TMEM135: variants seen among roughly 807,000 people sequenced by gnomAD.
TMEM135 encodes transmembrane protein 135.
Under a neutral mutation model 60.3 loss-of-function variants are expected in TMEM135, and 30 were observed. The ratio of observed to expected loss-of-function variants is 0.50; its 90% confidence interval spans 0.37 to 0.68. TMEM135 has a LOEUF of 0.68. Ranked by LOEUF, TMEM135 falls within the 30% of genes least tolerant of loss-of-function variation. The probability of loss-of-function intolerance (pLI) is 0.00; values close to 1 mark genes in which losing one functional copy is unlikely to be tolerated. For missense variants in TMEM135, 468 were observed against 548.8 expected (o/e 0.85, Z 1.47); for synonymous variants, 190 against 186.7 (o/e 1.02, Z -0.14).
intron 4 of TMEM135, among the ~76,000 whole-genome samples, chr11:87,092,646 T>C (rs1358441376): frequency 6.6e-6 from 1 of 152,172 alleles, no homozygotes; most frequent in Admixed American, 6.5e-5. Context: ...GAATTCTTAC[T>C]AGGATGTAAG....
intron 5 of TMEM135, among the ~76,000 whole-genome samples, chr11:87,221,704 C>A (rs1940620403): frequency 6.6e-6 from 1 of 152,142 alleles, no homozygotes; most frequent in African/African-American, 2.4e-5. Context: ...CTTTGGAATT[C>A]ATAACTAAGA....
chr11:87,123,214 TTC>T (rs1474593377), intron 4 of TMEM135, among the ~76,000 whole-genome samples: 1 of 152,220 alleles, frequency 6.6e-6, no homozygotes, highest in Non-Finnish European at 1.5e-5. Context: ...CAGAAATTTA[TTC>T]TCTCTCAGTT....
intron 5 of TMEM135, among the ~76,000 whole-genome samples, chr11:87,203,341 CCT>C (rs1297248738): frequency 1.3e-5 from 2 of 152,052 alleles, no homozygotes; most frequent in African/African-American, 2.4e-5. Context: ...CCTCAAAAAT[CCT>C]CTGTGCTCCC....
At chr11:87,153,183 G>C in intron 4 of TMEM135, among the ~76,000 whole-genome samples, 1 of 152,234 alleles carries the variant, frequency 6.6e-6, no homozygotes, top group Non-Finnish European at 1.5e-5. Flanking sequence ...TGCCAGGCTA[G>C]AAAAATAAAA....
At chr11:87,306,429 C>G (rs1401680438) in intron 9 of TMEM135, among the ~76,000 whole-genome samples, 1 of 152,194 alleles carries the variant, frequency 6.6e-6, no homozygotes, top group Non-Finnish European at 1.5e-5. Context: ...TGTGCCAAGT[C>G]TGTTACAATG....
chr11:87,262,906 A>G (rs1001517062), intron 6 of TMEM135, among the ~76,000 whole-genome samples: 5 of 152,172 alleles, frequency 3.3e-5, no homozygotes, highest in African/African-American at 1.2e-4. Context: ...CTCATTTACC[A>G]AGGCGTTTTT....
At chr11:87,220,380 A>T (rs1430012436) in intron 5 of TMEM135, among the ~76,000 whole-genome samples, 1 of 152,200 alleles carries the variant, frequency 6.6e-6, no homozygotes. Context: ...ACTCTTCAGG[A>T]TTTGTAGCTT....
chr11:87,112,310 A>G (rs540838387), intron 4 of TMEM135, among the ~76,000 whole-genome samples: 1 of 152,288 alleles, frequency 6.6e-6, no homozygotes, highest in African/African-American at 2.4e-5. Flanking sequence ...TTTAAAACCA[A>G]AGGAAAAATA....
intron 4 of TMEM135, among the ~76,000 whole-genome samples, chr11:87,105,119 T>C (rs1176554584): frequency 6.6e-6 from 1 of 152,160 alleles, no homozygotes; most frequent in South Asian, 2.1e-4. Flanking sequence ...AGAGTTTTAT[T>C]GTGAAAGGAT....
At chr11:87,302,241 T>C (rs981226901) in intron 7 of TMEM135, 55 bp from the exon 8 acceptor site, 8 of 1,562,290 alleles carry the variant, frequency 5.1e-6, no homozygotes, top group South Asian at 2.4e-5. Flanking sequence ...CTTTTTTTTT[T>C]CCTCATTGAC....
At chr11:87,071,995 T>C (rs1856780796) in intron 3 of TMEM135, among the ~76,000 whole-genome samples, 1 of 152,076 alleles carries the variant, frequency 6.6e-6, no homozygotes, top group South Asian at 2.1e-4. Context: ...GAGACCAGCC[T>C]GGCCAGCATT....
At chr11:87,186,729 T>C (rs1939664028) in intron 5 of TMEM135, among the ~76,000 whole-genome samples, 1 of 152,152 alleles carries the variant, frequency 6.6e-6, no homozygotes, top group Non-Finnish European at 1.5e-5. Flanking sequence ...TAGGAAAATA[T>C]AAAGATTTAT....
chr11:87,324,122 T>G lies in TMEM135; in HGVS notation c.*2789T>G. ...TGTTGTGCTCGAGTGTTCGTCTCCTTGTAGATTGTATCTAGGCTAACATTT... is the reference window on the plus strand; with the variant it reads ...TGTTGTGCTCGAGTGTTCGTCTCCTGGTAGATTGTATCTAGGCTAACATTT... On this transcript the variant is annotated 3_prime_UTR_variant, in exon 15 of 15. Transcript: ENST00000305494. 2.2e-6 allele frequency: 1 copy of G among 454,116 alleles called. No homozygotes were observed. The highest frequency in any genetic ancestry group is 4.4e-6 in the Non-Finnish European group (1 of 226,778). The allele number at this position is 454,116 out of a possible 1,614,324, so 28.1% of individuals were successfully genotyped here. A position where few individuals can be genotyped will look rare whatever the true frequency, so the allele number is the denominator to read the frequency against.
chr11:87,183,745 C>T (rs574521863), intron 5 of TMEM135, among the ~76,000 whole-genome samples: 2 of 151,842 alleles, frequency 1.3e-5, no homozygotes, highest in South Asian at 4.2e-4. Context: ...CACCTGAGGT[C>T]AGGAGTTCGA....
chr11:87,133,357 A>G (rs959980107), intron 4 of TMEM135, among the ~76,000 whole-genome samples: 1 of 152,118 alleles, frequency 6.6e-6, no homozygotes, highest in African/African-American at 2.4e-5. Flanking sequence ...AACCTAAAAC[A>G]TCATCCCCAA....
intron 6 of TMEM135, among the ~76,000 whole-genome samples, chr11:87,244,015 G>A (rs61905651): frequency 3.4e-5 from 3 of 87,080 alleles, no homozygotes; most frequent in East Asian, 4.3e-4. Flanking sequence ...ATTATTTTGA[G>A]ATACGTCCCA....
chr11:87,199,448 C>T (rs1940044731), intron 5 of TMEM135, among the ~76,000 whole-genome samples: 1 of 152,184 alleles, frequency 6.6e-6, no homozygotes, highest in African/African-American at 2.4e-5. Flanking sequence ...GTTTTATAGA[C>T]AAGCATTCAC....
intron 12 of TMEM135, among the ~76,000 whole-genome samples, chr11:87,314,791 A>G (rs762832186): frequency 5.9e-5 from 9 of 151,820 alleles, no homozygotes; most frequent in Non-Finnish European, 1.2e-4. Context: ...AGTTATCAGT[A>G]TTTGGCCAGT....
At chr11:87,316,955 T>C (rs528213450) in intron 12 of TMEM135, among the ~76,000 whole-genome samples, 1 of 151,970 alleles carries the variant, frequency 6.6e-6, no homozygotes, top group South Asian at 2.1e-4. Flanking sequence ...GCTCTGGTAA[T>C]AGACAATCAT....
Sources: allele counts gnomAD v4.1 joint callset (sites outside exome capture counted in the v4.1 genomes callset), GRCh38; gene constraint gnomAD v4.1.1; transcripts MANE v1.5; gene names NCBI Gene and HGNC (gene_info 2026-07-23, HGNC 2026-07-21).